The following LGR5 variants were observed in gnomAD, a reference collection of about 807,000 sequenced individuals.
LGR5 encodes the protein leucine-rich repeat-containing G protein-coupled receptor 5.
Under a neutral mutation model 76.7 loss-of-function variants are expected in LGR5, and 54 were observed. That is an observed-to-expected ratio of 0.70 (90% CI 0.57 to 0.88). LGR5 has a LOEUF of 0.88. Among genes scored for constraint, LGR5 ranks in the 40% least tolerant of loss-of-function variants. The probability of loss-of-function intolerance (pLI) is 0.00; values close to 1 mark genes in which losing one functional copy is unlikely to be tolerated. For missense variants in LGR5, 1,078 were observed against 1,073.3 expected (o/e 1.00, Z -0.06); for synonymous variants, 406 against 421.9 (o/e 0.96, Z 0.46).
chr12:71,440,021 G>C lies in LGR5; in HGVS notation c.-60G>C. 6.5e-7 allele frequency: 1 copy of C among 1,533,940 alleles called. No homozygotes were observed. The highest frequency in any genetic ancestry group is 8.9e-7 in the Non-Finnish European group (1 of 1,123,430). On this transcript the variant is annotated 5_prime_UTR_variant, in exon 1 of 18. Coordinates refer to ENST00000266674, the MANE Select transcript of LGR5 (RefSeq NM_003667.4). This position sits in a 1 kb window ranked among gnomAD's most constrained non-coding sequence, Gnocchi z 5.3. Reference sequence around the variant, plus strand: ...AGCGGCGCCCGGCGCGCCACGGCCCGTAGCAGTCCGGTGCTGCTCTCCGCC... The same window carrying C: ...AGCGGCGCCCGGCGCGCCACGGCCCCTAGCAGTCCGGTGCTGCTCTCCGCC...
chr12:71,525,125 A>C (rs1426562784), intron 3 of LGR5, among the ~76,000 whole-genome samples: 1 of 152,064 alleles, frequency 6.6e-6, no homozygotes, highest in Non-Finnish European at 1.5e-5. Context: ...GTGTAGAAAA[A>C]AGAGGCACTT....
chr12:71,509,579 A>G (rs1875043147), intron 2 of LGR5, among the ~76,000 whole-genome samples: 1 of 152,174 alleles, frequency 6.6e-6, no homozygotes. Flanking sequence ...AAAAGATCCT[A>G]CATTTGGGCC....
At chr12:71,564,979 G>C (rs1027397190) in intron 8 of LGR5, among the ~76,000 whole-genome samples, 2 of 149,076 alleles carry the variant, frequency 1.3e-5, no homozygotes, top group Non-Finnish European at 3.0e-5. Flanking sequence ...GTATATATAC[G>C]TGTGTATATA....
intron 6 of LGR5, among the ~76,000 whole-genome samples, chr12:71,559,236 C>A (rs566590906): frequency 6.6e-6 from 1 of 152,112 alleles, no homozygotes; most frequent in African/African-American, 2.4e-5. Context: ...TTAGTGAGCC[C>A]GGTTCAGTTG....
chr12:71,452,582 G>T (rs1477351307), intron 1 of LGR5, among the ~76,000 whole-genome samples: 1 of 152,192 alleles, frequency 6.6e-6, no homozygotes, highest in Non-Finnish European at 1.5e-5. Flanking sequence ...CAGACTGATT[G>T]TTTGGAATAT....
rs188774200 is a variant in LGR5, at chr12:71,441,056, G to A, written c.212+764G>A. On this transcript the variant is annotated intron_variant, in intron 1 of 17. Coordinates refer to ENST00000266674, the MANE Select transcript of LGR5 (RefSeq NM_003667.4). ...GGAAAGGGGAAGTGGGCTGAAGGCT[G>A]TTGGGCTGGTAAACAGCGGCACCGA... Among the ~76,000 whole-genome samples the A allele has an allele frequency of 4.6e-5, 7 of 152,236 alleles. No homozygotes were observed. The East Asian group carries it at 9.7e-4, about 21-fold the overall frequency.
intron 3 of LGR5, among the ~76,000 whole-genome samples, chr12:71,528,625 C>T (rs1457120529): frequency 1.3e-5 from 2 of 152,170 alleles, no homozygotes; most frequent in Non-Finnish European, 2.9e-5. Flanking sequence ...CATTGAATTT[C>T]ATCAACAAAG....
At chr12:71,474,052 A>G (rs1263627382) in intron 1 of LGR5, among the ~76,000 whole-genome samples, 2 of 151,958 alleles carry the variant, frequency 1.3e-5, no homozygotes, top group African/African-American at 4.8e-5. Context: ...TTCACATCCT[A>G]TTTGTTTTCT....
chr12:71,543,627 A>T (rs1387875155), intron 4 of LGR5, among the ~76,000 whole-genome samples: 1 of 152,246 alleles, frequency 6.6e-6, no homozygotes, highest in Admixed American at 6.5e-5. Context: ...AGAACTGTAG[A>T]TTTCTAACAG....
intron 4 of LGR5, among the ~76,000 whole-genome samples, chr12:71,551,428 T>G (rs1877478524): frequency 6.6e-6 from 1 of 152,226 alleles, no homozygotes; most frequent in African/African-American, 2.4e-5. Flanking sequence ...CAAAAACATT[T>G]TTCAAAATCC....
At chr12:71,482,013 T>C (rs66888341) in intron 1 of LGR5, among the ~76,000 whole-genome samples, 1 of 152,066 alleles carries the variant, frequency 6.6e-6, no homozygotes, top group Non-Finnish European at 1.5e-5. Flanking sequence ...TATAAAGTAA[T>C]GAAATTATCT....
intron 1 of LGR5, among the ~76,000 whole-genome samples, chr12:71,470,287 T>C (rs948219098): frequency 3.3e-5 from 5 of 152,222 alleles, no homozygotes; most frequent in Non-Finnish European, 7.3e-5. Context: ...ACTCCCTTTT[T>C]ATCAAAGGGA....
chr12:71,494,911 A>G (rs1292407120), intron 1 of LGR5, among the ~76,000 whole-genome samples: 1 of 151,162 alleles, frequency 6.6e-6, no homozygotes, highest in African/African-American at 2.5e-5. Flanking sequence ...GATTCAGATA[A>G]ACTTGGAGAG....
intron 4 of LGR5, among the ~76,000 whole-genome samples, chr12:71,540,798 A>C (rs2137380209): frequency 6.6e-6 from 1 of 152,274 alleles, no homozygotes; most frequent in South Asian, 2.1e-4. Flanking sequence ...GAAGACAAGG[A>C]AGTGTAAGCA....
intron 1 of LGR5, among the ~76,000 whole-genome samples, chr12:71,502,193 CTTT>C (rs776486573): frequency 8.1e-6 from 1 of 123,164 alleles, no homozygotes; most frequent in African/African-American, 3.0e-5. Flanking sequence ...AGGTACTTTC[CTTT>C]TTTTTTTTTT....
chr12:71,490,748 C>T (rs1381602176), intron 1 of LGR5, among the ~76,000 whole-genome samples: 4 of 151,926 alleles, frequency 2.6e-5, no homozygotes, highest in African/African-American at 9.7e-5. Context: ...GCCAGGACTC[C>T]CAAGGCCTAA....
intron 1 of LGR5, chr12:71,441,870 C>T (rs1053422008): frequency 5.9e-5 from 9 of 152,158 alleles, no homozygotes; most frequent in Non-Finnish European, 1.2e-4. Context: ...ACATTTCCTC[C>T]TCCTGAACAG....
At chr12:71,489,810 C>T (rs1239671034) in intron 1 of LGR5, among the ~76,000 whole-genome samples, 2 of 152,154 alleles carry the variant, frequency 1.3e-5, no homozygotes, top group Non-Finnish European at 2.9e-5. Context: ...CACCTGCAGT[C>T]CCAGCACTTT....
intron 1 of LGR5, among the ~76,000 whole-genome samples, chr12:71,487,381 T>C (rs1015318793): frequency 1.3e-5 from 2 of 152,216 alleles, no homozygotes; most frequent in African/African-American, 2.4e-5. Flanking sequence ...TTGTCTTCAG[T>C]GTTTTCACTG....
Sources: gnomAD v4.1 joint callset for allele counts (sites outside exome capture counted in the v4.1 genomes callset) on GRCh38, gnomAD v4.1.1 for gene constraint, Gnocchi (gnomAD v3.1) non-coding constraint, MANE v1.5 for transcripts, NCBI Gene and HGNC (gene_info 2026-07-23, HGNC 2026-07-21) for gene names.